Variants in DOCK5 observed in about 807,000 individuals in gnomAD.
DOCK5 encodes dedicator of cytokinesis protein 5.
In DOCK5, 142 loss-of-function variants were observed where a neutral mutation model predicts 251.8. The observed-to-expected ratio is 0.56, with a 90% CI of 0.49 to 0.65. DOCK5 has a LOEUF of 0.65. DOCK5 is among the 30% of genes least tolerant of loss of function. The pLI is 0.00. For synonymous variants in DOCK5, 842 were observed against 835.5 expected, an observed-to-expected ratio of 1.01 and a Z score of -0.13; for missense variants, 2,111 against 2,312.3, an observed-to-expected ratio of 0.91 and a Z score of 1.79.
intron 39 of DOCK5, 60 bp downstream of exon 39, chr8:25,380,454 A>G (rs903910055): frequency 7.2e-7 from 1 of 1,393,154 alleles, no homozygotes; most frequent in African/African-American, 1.4e-5. Flanking sequence ...AGCACTCATG[A>G]AAATGTTTCC....
In DOCK5 at chr8:25,197,572, T is replaced by C. The variant is rs1430059298; in HGVS notation, c.43+12621T>C. Among the ~76,000 whole-genome samples, 4 of 122,764 alleles carry C rather than the reference T, an allele frequency of 3.3e-5. 2 individuals carry two copies. The highest frequency in any genetic ancestry group is 6.8e-5 in the Non-Finnish European group (4 of 58,942). The allele number at this position is 122,764 out of a possible 152,430, so 80.5% of individuals were successfully genotyped here. A position where few individuals can be genotyped will look rare whatever the true frequency, so the allele number is the denominator to read the frequency against. On this transcript the variant is annotated intron_variant, in intron 1 of 51. Coordinates refer to ENST00000276440, the MANE Select transcript of DOCK5 (RefSeq NM_024940.8). ...GCCCTCTCTTTAAGGATCGTGTCTTTGTCTTTTTTTTTTTTTTTTTTTTTT... is the reference window on the plus strand; with the variant it reads ...GCCCTCTCTTTAAGGATCGTGTCTTCGTCTTTTTTTTTTTTTTTTTTTTTT...
In DOCK5 at chr8:25,264,562, A is replaced by G. The variant is rs368064035; in HGVS notation, c.128-4283A>G. Among the ~76,000 whole-genome samples the G allele has an allele frequency of 2.0e-5, 3 of 151,858 alleles. No homozygotes were observed. The East Asian group carries it at 5.8e-4, about 29-fold the overall frequency. ...CTAAGGCAGCCAGGCACAGTGGCTC[A>G]CGCCTGTAATCCCAGCACTTTGGGA... On this transcript the variant is annotated intron_variant, in intron 2 of 51. Coordinates refer to ENST00000276440, the MANE Select transcript of DOCK5 (RefSeq NM_024940.8).
At chr8:25,402,189 G>A (rs1413904062) in intron 47 of DOCK5, among the ~76,000 whole-genome samples, 3 of 152,072 alleles carry the variant, frequency 2.0e-5, no homozygotes, top group African/African-American at 7.2e-5. Context: ...AGTGCAGTGC[G>A]AGATCACAGC....
chr8:25,199,377 G>A (rs1161406322), intron 1 of DOCK5, among the ~76,000 whole-genome samples: 6 of 91,194 alleles, frequency 6.6e-5, no homozygotes, highest in African/African-American at 2.7e-4. Flanking sequence ...TTTCCGCTCT[G>A]TTCTTTTTTT....
intron 1 of DOCK5, among the ~76,000 whole-genome samples, chr8:25,213,693 T>C (rs1802159758): frequency 6.6e-6 from 1 of 152,188 alleles, no homozygotes; most frequent in South Asian, 2.1e-4. Context: ...TAATGCAAAT[T>C]AAATGTGTAT....
intron 47 of DOCK5, among the ~76,000 whole-genome samples, chr8:25,402,014 T>C (rs1184097082): frequency 6.6e-6 from 1 of 152,240 alleles, no homozygotes; most frequent in Non-Finnish European, 1.5e-5. Context: ...AGTGCGTGTA[T>C]GTACTAACCT....
chr8:25,241,051 G>T (rs528592177), intron 1 of DOCK5, among the ~76,000 whole-genome samples: 2 of 152,230 alleles, frequency 1.3e-5, no homozygotes, highest in East Asian at 3.9e-4. Context: ...AGATATATGC[G>T]ATTGCATTTA....
chr8:25,400,830 G>T, intron 46 of DOCK5, 99 bp from the exon 47 acceptor site: 1 of 1,356,294 alleles, frequency 7.4e-7, no homozygotes, highest in South Asian at 1.3e-5. Flanking sequence ...ACTATGTCTA[G>T]CAGTTTACCT....
At chr8:25,348,947 G>C (rs190429789) in intron 26 of DOCK5, among the ~76,000 whole-genome samples, 1 of 152,148 alleles carries the variant, frequency 6.6e-6, no homozygotes, top group South Asian at 2.1e-4. Flanking sequence ...AAGGCACAGC[G>C]TGTAACTTGC....
chr8:25,333,404 A>G (rs891132634), intron 20 of DOCK5, among the ~76,000 whole-genome samples: 6 of 152,196 alleles, frequency 3.9e-5, no homozygotes, highest in Non-Finnish European at 7.3e-5. Context: ...AAGGTTTAAG[A>G]TAAAGAAAGA....
At chr8:25,270,595 T>C (rs1285410492) in intron 3 of DOCK5, among the ~76,000 whole-genome samples, 1 of 152,166 alleles carries the variant, frequency 6.6e-6, no homozygotes, top group African/African-American at 2.4e-5. Context: ...TCAAACAAAA[T>C]TATGTGATGA....
Position 25,299,064 on chromosome 8 carries a change from A to G in DOCK5, c.727A>G (p.Met243Val), listed in dbSNP as rs755428793. 6.2e-7 allele frequency: 1 copy of G among 1,613,872 alleles called. No individual in the cohort carries two copies. The highest frequency in any genetic ancestry group is 8.5e-7 in the Non-Finnish European group (1 of 1,179,854). The change falls in exon 8 of 52, where the codon ATG (methionine) becomes GTG (valine). Residue 243 changes from methionine to valine, a missense_variant. Physicochemically the swap from Met to Val is conservative, Grantham distance 21 (BLOSUM62 1). Around this residue, in one of 3 missense-constraint regions of DOCK5, gnomAD observed 335 missense variants for 324.9 expected, o/e 1.03. Coordinates refer to ENST00000276440, the MANE Select transcript of DOCK5 (RefSeq NM_024940.8). Reference sequence around the variant, plus strand: ...CATCGGGGAAGATGCAGAGTTGTTTATGGCCCTCTACGACCCAGACCAGTC... The same window carrying G: ...CATCGGGGAAGATGCAGAGTTGTTTGTGGCCCTCTACGACCCAGACCAGTC... ...CNIGEDAELF[M>V]ALYDPDQSTF...
At chr8:25,201,809 C>G (rs1801885069) in intron 1 of DOCK5, among the ~76,000 whole-genome samples, 1 of 152,166 alleles carries the variant, frequency 6.6e-6, no homozygotes, top group Admixed American at 6.5e-5. Context: ...TTTGCTCAGT[C>G]GCAGCCTCCC....
At chr8:25,259,636 AT>A (rs1199817651) in intron 2 of DOCK5, among the ~76,000 whole-genome samples, 1 of 151,838 alleles carries the variant, frequency 6.6e-6, no homozygotes, top group Non-Finnish European at 1.5e-5. Context: ...TTTAAAAAAA[AT>A]TTTTTTAGAG....
In DOCK5 at chr8:25,409,035, G is replaced by C. The variant is rs1014829094; in HGVS notation, c.5404+95G>C. On this transcript the variant is annotated intron_variant, in intron 50 of 51. Transcript: ENST00000276440. ...TGTAACTAAACCAGCCAGAATGTAT[G>C]TAAGACCATTGTAAAACTGGTTCAA... 3 of 1,540,836 alleles carry C rather than the reference G, an allele frequency of 1.9e-6. No homozygotes were observed. In the East Asian group the frequency reaches 6.8e-5, roughly 35 times the overall value.
chr8:25,378,169 A>T (rs1800997707), intron 38 of DOCK5, among the ~76,000 whole-genome samples: 1 of 152,162 alleles, frequency 6.6e-6, no homozygotes, highest in African/African-American at 2.4e-5. Flanking sequence ...CCTTCTAGTC[A>T]CATGATTAGT....
chr8:25,320,586 A>G (rs1365774954), intron 15 of DOCK5, among the ~76,000 whole-genome samples: 2 of 152,168 alleles, frequency 1.3e-5, no homozygotes, highest in East Asian at 3.8e-4. Context: ...CTGCTTTATG[A>G]GCCCTAATTA....
intron 2 of DOCK5, among the ~76,000 whole-genome samples, chr8:25,268,210 A>C (rs1372585540): frequency 6.6e-6 from 1 of 152,102 alleles, no homozygotes; most frequent in African/African-American, 2.4e-5. Flanking sequence ...TCAGCAAACA[A>C]ACGCATAAGA....
At chr8:25,309,052 C>T in intron 12 of DOCK5, 127 bp downstream of exon 12, 2 of 1,225,832 alleles carry the variant, frequency 1.6e-6, no homozygotes. Flanking sequence ...GGGACCATCC[C>T]CCTCAGCTTC....
Sources: allele counts gnomAD v4.1 joint callset (sites outside exome capture counted in the v4.1 genomes callset), GRCh38; gene constraint gnomAD v4.1.1; regional missense constraint gnomAD v4.1.1; transcripts MANE v1.5; gene names NCBI Gene and HGNC (gene_info 2026-07-23, HGNC 2026-07-21).